RERE: variants seen among roughly 807,000 people sequenced by gnomAD.
RERE encodes the protein arginine-glutamic acid dipeptide repeats, also known as arginine-glutamic acid dipeptide repeats protein.
In RERE, 40 loss-of-function variants were observed where a neutral mutation model predicts 146.1. The observed-to-expected ratio is 0.27, with a 90% CI of 0.21 to 0.36. RERE has a LOEUF of 0.36. Ranked by LOEUF, RERE falls within the 10% of genes least tolerant of loss-of-function variation. The pLI, the probability that RERE is intolerant of heterozygous loss-of-function variation, is 1.00. For missense variants in RERE, 1,933 were observed against 2,138.7 expected (o/e 0.90, Z 1.90); for synonymous variants, 1,003 against 866.0 (o/e 1.16, Z -2.78).
At chr1:8,655,940 A>G in intron 2 of RERE, 33 bp downstream of exon 2, 1 of 1,599,904 alleles carries the variant, frequency 6.3e-7, no homozygotes, top group Non-Finnish European at 8.5e-7. Flanking sequence ...CCCACTGTAA[A>G]CATTGGCAAG....
In RERE at chr1:8,498,768, C is replaced by CACACACACAT. The variant is rs1282395845; in HGVS notation, c.880-1240_880-1239insATGTGTGTGT. On this transcript the variant is annotated intron_variant, in intron 8 of 22. Transcript: ENST00000400908. Reference sequence around the variant, plus strand: ...ACACACACACACACACACACACACACATATGTAGTTGAATTGACCTGTGGT... The same window carrying CACACACACAT: ...ACACACACACACACACACACACACACACACACACATATATGTAGTTGAATTGACCTGTGGT... Among the ~76,000 whole-genome samples, 8 of 139,234 alleles carry CACACACACAT rather than the reference C, an allele frequency of 5.7e-5. No homozygotes were observed. The South Asian group carries it at 8.7e-4, about 15-fold the overall frequency. The allele number at this position is 139,234 out of a possible 152,430, so 91.3% of individuals were successfully genotyped here.
chr1:8,764,788 A>T (rs992622011), intron 1 of RERE, among the ~76,000 whole-genome samples: 1 of 152,242 alleles, frequency 6.6e-6, no homozygotes, highest in Admixed American at 6.5e-5. Flanking sequence ...ATGCAAATCA[A>T]AACTGTAAGA....
At chr1:8,528,474 T>C (rs770451749) in intron 7 of RERE, among the ~76,000 whole-genome samples, 1 of 152,224 alleles carries the variant, frequency 6.6e-6, no homozygotes, top group Non-Finnish European at 1.5e-5. Flanking sequence ...ATAATTTTCT[T>C]GTTCTTGGGA....
chr1:8,469,814 A>C (rs977671852), intron 10 of RERE, among the ~76,000 whole-genome samples: 1 of 152,122 alleles, frequency 6.6e-6, no homozygotes, highest in Non-Finnish European at 1.5e-5. Flanking sequence ...GCTGGAAGAG[A>C]TGCTTCCACT....
At position 8,814,825 on chromosome 1, in the gene RERE, TCAAAGGAGTC is replaced by T. The variant is rs1249456386; in HGVS notation, c.-145+2325_-145+2334del. 5.9e-5 allele frequency among the ~76,000 whole-genome samples: 9 copies of T among 152,314 alleles called. No homozygotes were observed. The South Asian group carries it at 1.0e-3, about 18-fold the overall frequency. ...CTCATAAAAGATGAGAAGGTATCAT[TCAAAGGAGTC>T]CTGGGAAGTCACAAAGTGTAAATAC... On this transcript the variant is annotated intron_variant, in intron 1 of 22. Coordinates refer to ENST00000400908, the MANE Select transcript of RERE (RefSeq NM_001042681.2).
chr1:8,677,454 G>GAAAA (rs571192127), intron 1 of RERE, among the ~76,000 whole-genome samples: 1 of 101,698 alleles, frequency 9.8e-6, no homozygotes, highest in Non-Finnish European at 2.1e-5. Flanking sequence ...AGAAAGAAAA[G>GAAAA]AAAAAAAAAA....
At position 8,629,136 on chromosome 1, in the gene RERE, A is replaced by G. The variant is rs115701007; in HGVS notation, c.326-4756T>C. ...AGCATGCCTGTAATGGGCCAGAAAA[A>G]TGAGTGAGGCTATTACCATCAATAT... On this transcript the variant is annotated intron_variant, in intron 2 of 22. Transcript: ENST00000400908. Among the ~76,000 whole-genome samples the G allele has an allele frequency of 8.0e-3, 1,216 of 152,328 alleles. 13 individuals are homozygous for G. Among genetic ancestry groups the G allele is most frequent in the African/African-American group, 0.028 (1,162 of 41,570 alleles).
At chr1:8,519,596 C>A (rs1645464884) in intron 7 of RERE, 1 of 152,094 alleles carries the variant, frequency 6.6e-6, no homozygotes, top group Non-Finnish European at 1.5e-5. Flanking sequence ...ATGGAAAGAA[C>A]TAGACATAGT....
chr1:8,777,998 C>T (rs1641100406), intron 1 of RERE, among the ~76,000 whole-genome samples: 1 of 151,950 alleles, frequency 6.6e-6, no homozygotes, highest in Non-Finnish European at 1.5e-5. Context: ...TCCATTTCCT[C>T]ATCTGGAAAT....
intron 1 of RERE, among the ~76,000 whole-genome samples, chr1:8,745,936 C>T (rs1321876472): frequency 6.6e-6 from 1 of 152,138 alleles, no homozygotes; most frequent in Non-Finnish European, 1.5e-5. Context: ...AGCATGGCAG[C>T]ACATGCCTGT....
At chr1:8,674,965 G>C (rs938295544) in intron 1 of RERE, among the ~76,000 whole-genome samples, 1 of 152,138 alleles carries the variant, frequency 6.6e-6, no homozygotes, top group African/African-American at 2.4e-5. Flanking sequence ...AATGTAAATG[G>C]AGCACACAGT....
At position 8,364,867 on chromosome 1, in the gene RERE, G is replaced by A. The variant is rs774418983; in HGVS notation, c.1448-29C>T. 1.3e-6 allele frequency: 2 copies of A among 1,502,190 alleles called. No individual in the cohort carries two copies. Among genetic ancestry groups the A allele is most frequent in the Non-Finnish European group, 1.8e-6 (2 of 1,082,888 alleles). The allele number at this position is 1,502,190 out of a possible 1,614,324, so 93.1% of individuals were successfully genotyped here. A position where few individuals can be genotyped will look rare whatever the true frequency, so the allele number is the denominator to read the frequency against. On this transcript the variant is annotated intron_variant, in intron 13 of 22. Coordinates refer to ENST00000400908, the MANE Select transcript of RERE (RefSeq NM_001042681.2). This position sits in a 1 kb window ranked among gnomAD's most constrained non-coding sequence, Gnocchi z 5.1. Reference sequence around the variant, plus strand: ...GGCGTGGCAGGCACATAGTGGGGGTGGGGGAGACACCATCATGCTCAGCCA... The same window carrying A: ...GGCGTGGCAGGCACATAGTGGGGGTAGGGGAGACACCATCATGCTCAGCCA...
At chr1:8,538,295 T>G (rs1239425643) in intron 7 of RERE, among the ~76,000 whole-genome samples, 2 of 152,168 alleles carry the variant, frequency 1.3e-5, no homozygotes, top group Non-Finnish European at 2.9e-5. Flanking sequence ...TACTTACTAG[T>G]CCTACTCATT....
intron 2 of RERE, among the ~76,000 whole-genome samples, chr1:8,627,597 C>A (rs372829177): frequency 0.021 from 2,580 of 124,106 alleles, no homozygotes; most frequent in Non-Finnish European, 0.023. Flanking sequence ...GAAACTGTCT[C>A]AAAAAAAAAA....
intron 1 of RERE, among the ~76,000 whole-genome samples, chr1:8,744,477 A>C (rs1437715473): frequency 6.6e-6 from 1 of 152,194 alleles, no homozygotes; most frequent in Non-Finnish European, 1.5e-5. Flanking sequence ...CTGCATTCTT[A>C]AACACGCCTA....
chr1:8,701,941 C>T (rs1278048699), intron 1 of RERE, among the ~76,000 whole-genome samples: 2 of 152,100 alleles, frequency 1.3e-5, no homozygotes, highest in Non-Finnish European at 2.9e-5. Flanking sequence ...CTAACACATG[C>T]ATAAAAATGT....
At chr1:8,402,095 T>C (rs563707935) in intron 12 of RERE, among the ~76,000 whole-genome samples, 22 of 152,232 alleles carry the variant, frequency 1.4e-4, no homozygotes, top group African/African-American at 4.3e-4. Context: ...TCTCAATCTC[T>C]TGACCTCGTG....
intron 7 of RERE, among the ~76,000 whole-genome samples, chr1:8,529,892 T>C (rs1645620251): frequency 6.6e-6 from 1 of 152,192 alleles, no homozygotes; most frequent in African/African-American, 2.4e-5. Flanking sequence ...GGAGCAAGCC[T>C]TGCTTTACAC....
chr1:8,667,733 C>T (rs1029754334), intron 1 of RERE, among the ~76,000 whole-genome samples: 1 of 152,194 alleles, frequency 6.6e-6, no homozygotes, highest in African/African-American at 2.4e-5. Flanking sequence ...CAAATAACTG[C>T]TTTCATATAC....
Sources: gnomAD v4.1 joint callset for allele counts (sites outside exome capture counted in the v4.1 genomes callset) on GRCh38, gnomAD v4.1.1 for gene constraint, Gnocchi (gnomAD v3.1) non-coding constraint, MANE v1.5 for transcripts, NCBI Gene and HGNC (gene_info 2026-07-23, HGNC 2026-07-21) for gene names.